CBX6: variants seen among roughly 807,000 people sequenced by gnomAD.
CBX6 encodes the protein chromobox 6, also known as chromobox protein homolog 6.
CBX6 carries 7 observed loss-of-function variants against 28.4 expected under a neutral mutation model. The ratio of observed to expected loss-of-function variants is 0.25; its 90% confidence interval spans 0.14 to 0.46. The LOEUF is 0.46. Among genes scored for constraint, CBX6 ranks in the 20% least tolerant of loss-of-function variants. The probability of loss-of-function intolerance (pLI) is 0.99; values close to 1 mark genes in which losing one functional copy is unlikely to be tolerated. For synonymous variants in CBX6, 297 were observed against 273.4 expected, an observed-to-expected ratio of 1.09 and a Z score of -0.85; for missense variants, 512 against 606.1, an observed-to-expected ratio of 0.84 and a Z score of 1.63.
Position 38,871,944 on chromosome 22 carries a change from C to T in CBX6, c.71G>A (p.Gly24Glu). The change falls in exon 2 of 5, where the codon GGA becomes GAA. Residue 24 changes from glycine (G) to glutamate (E), a missense_variant and splice_region_variant. Coordinates refer to ENST00000407418, the MANE Select transcript of CBX6 (RefSeq NM_014292.5). This position sits in a 1 kb window ranked among gnomAD's most constrained non-coding sequence, Gnocchi z 5.6. ...CCATTTCACCAGGTACTCGATGCGT[C>T]CCTGAAAAACAGAGGGGAGAAAAAC... ...ESIIKRRIRK[G>E]RIEYLVKWKG... 6.5e-7 allele frequency: 1 copy of T among 1,536,982 alleles called. No homozygotes were observed. Among genetic ancestry groups the T allele is most frequent in the Non-Finnish European group, 8.8e-7 (1 of 1,141,384 alleles).
At position 38,862,257 on chromosome 22, in the gene CBX6, T is replaced by C. The variant is rs1225898171; in HGVS notation, c.*3952A>G. 1 of 152,200 alleles carries C rather than the reference T, an allele frequency of 6.6e-6. No individual in the cohort carries two copies. The highest frequency in any genetic ancestry group is 1.5e-5 in the Non-Finnish European group (1 of 68,032). The allele number at this position is 152,200 out of a possible 1,614,324, so 9.4% of individuals were successfully genotyped here. A position where few individuals can be genotyped will look rare whatever the true frequency, so the allele number is the denominator to read the frequency against. ...CTTTGGCCCCCACTAACCATCTCCC[T>C]ATTTCTGCATCCTGGTGACCGTCAG... On this transcript the variant is annotated 3_prime_UTR_variant, in exon 5 of 5. Coordinates refer to ENST00000407418, the MANE Select transcript of CBX6 (RefSeq NM_014292.5).
Position 38,871,597 on chromosome 22 carries a change from C to A in CBX6, c.180-51G>T, listed in dbSNP as rs565167495. The A allele has an allele frequency of 6.2e-7, 1 of 1,612,608 alleles. No homozygotes were observed. The highest frequency in any genetic ancestry group is 8.5e-7 in the Non-Finnish European group (1 of 1,179,016). On this transcript the variant is annotated intron_variant, in intron 3 of 4. Transcript: ENST00000407418. The surrounding 1 kb of genome is among the most constrained non-coding windows in gnomAD (Gnocchi z 5.6). ...AAAAAGAGCCCCTTCCCGGGCCCCACTCCGCGCTGCCCTCCCCGGCTCTCC... is the reference window on the plus strand; with the variant it reads ...AAAAAGAGCCCCTTCCCGGGCCCCAATCCGCGCTGCCCTCCCCGGCTCTCC...
At position 38,864,078 on chromosome 22, in the gene CBX6, G is replaced by A. The variant is rs1175473864; in HGVS notation, c.*2131C>T. Reference sequence around the variant, plus strand: ...CTCTCCACAGTGCCTGCGATGCCAGGGGACCTGCCAGCTGGGCCCAGGCCT... The same window carrying A: ...CTCTCCACAGTGCCTGCGATGCCAGAGGACCTGCCAGCTGGGCCCAGGCCT... On this transcript the variant is annotated 3_prime_UTR_variant, in exon 5 of 5. Coordinates refer to ENST00000407418, the MANE Select transcript of CBX6 (RefSeq NM_014292.5). 1.3e-5 allele frequency: 2 copies of A among 152,230 alleles called. No homozygotes were observed. Among genetic ancestry groups the A allele is most frequent in the African/African-American group, 2.4e-5 (1 of 41,428 alleles). 9.4% of individuals were successfully genotyped at this position (152,230 alleles called of 1,614,324 possible).
chr22:38,867,022 GC>G lies in CBX6; in HGVS notation c.425del (p.Gly142AlafsTer23), dbSNP rs1230041495. 2 of 1,605,364 alleles carry G rather than the reference GC, an allele frequency of 1.2e-6. No individual in the cohort carries two copies. The highest frequency in any genetic ancestry group is 1.7e-5 in the Admixed American group (1 of 59,524). On this transcript the variant is annotated frameshift_variant, in exon 5 of 5. Coordinates refer to ENST00000407418, the MANE Select transcript of CBX6 (RefSeq NM_014292.5). LOFTEE classifies it high-confidence loss of function. ...RPLPRPDPQG[G>X]SPGLRPPISP... is the part of the protein sequence containing the mutation. Reference sequence around the variant, plus strand: ...AAATGGGCGGGCGCAGTCCGGGGCTGCCCCCCTGCGGGTCCGGGCGGGGCAG... The same window carrying G: ...AAATGGGCGGGCGCAGTCCGGGGCTGCCCCCTGCGGGTCCGGGCGGGGCAG...
Position 38,862,518 on chromosome 22 carries a change from CAAAAAAAAAAA to C in CBX6, c.*3680_*3690del, listed in dbSNP as rs3042739. On this transcript the variant is annotated 3_prime_UTR_variant, in exon 5 of 5. Coordinates refer to ENST00000407418, the MANE Select transcript of CBX6 (RefSeq NM_014292.5). ...TCCACTGTCCTGTGTGGGCGAAGTG[CAAAAAAAAAAA>C]AAAAAAAAAAAAAAAAGAAAGAAAG... 3.6e-5 allele frequency: 1 copy of C among 27,418 alleles called. No individual in the cohort carries two copies. The highest frequency in any genetic ancestry group is 6.1e-5 in the Non-Finnish European group (1 of 16,464). 1.7% of individuals were successfully genotyped at this position (27,418 alleles called of 1,614,324 possible).
rs1191097983 is a variant in CBX6, at chr22:38,871,638, C to T, written c.179+54G>A. Reference sequence around the variant, plus strand: ...CCGGCTCTCCCGCTTCCCCGCGCGGCGCCCCAGCCGAGCCTCGGCCTCGCA... The same window carrying T: ...CCGGCTCTCCCGCTTCCCCGCGCGGTGCCCCAGCCGAGCCTCGGCCTCGCA... On this transcript the variant is annotated intron_variant, in intron 3 of 4. Transcript: ENST00000407418. This position sits in a 1 kb window ranked among gnomAD's most constrained non-coding sequence, Gnocchi z 5.6. 3 of 1,610,688 alleles carry T rather than the reference C, an allele frequency of 1.9e-6. No individual in the cohort carries two copies. The highest frequency in any genetic ancestry group is 2.5e-6 in the Non-Finnish European group (3 of 1,178,088).
chr22:38,865,886 A>G lies in CBX6; in HGVS notation c.*323T>C. 3.0e-6 allele frequency: 1 copy of G among 337,522 alleles called. No individual in the cohort carries two copies. The highest frequency in any genetic ancestry group is 6.1e-5 in the South Asian group (1 of 16,338). 20.9% of individuals were successfully genotyped at this position (337,522 alleles called of 1,614,324 possible). On this transcript the variant is annotated 3_prime_UTR_variant, in exon 5 of 5. Transcript: ENST00000407418. ...AGCACCGAGAAATCAGACGCCGCACAGGAGAGCAGGAAGCAAGCTAGAGAG... is the reference window on the plus strand; with the variant it reads ...AGCACCGAGAAATCAGACGCCGCACGGGAGAGCAGGAAGCAAGCTAGAGAG...
At position 38,866,884 on chromosome 22, in the gene CBX6, C is replaced by G; in HGVS notation, c.564G>C (p.Gly188=). ...LKVIDKGAGG[G]GAGQGAGALA... is the part of the protein sequence containing the mutation. ...GCGCCCCGGCCCCCTGCCCGGCGCC[C>G]CCGCCGCCAGCGCCCTTGTCGATCA... is the stretch of plus-strand genomic sequence containing the variant. Residue 188 remains glycine, a synonymous_variant, in exon 5 of 5, where the codon GGG becomes GGC. Coordinates refer to ENST00000407418, the MANE Select transcript of CBX6 (RefSeq NM_014292.5). This position sits in a 1 kb window ranked among gnomAD's most constrained non-coding sequence, Gnocchi z 7.5. The G allele has an allele frequency of 6.3e-7, 1 of 1,597,496 alleles. No homozygotes were observed. The highest frequency in any genetic ancestry group is 8.5e-7 in the Non-Finnish European group (1 of 1,173,554).
Position 38,866,700 on chromosome 22 carries a change from C to G in CBX6, c.748G>C (p.Ala250Pro). Residue 250 changes from alanine to proline, a missense_variant, in exon 5 of 5, where the codon GCT (alanine) becomes CCT (proline). Around this residue, in one of 7 missense-constraint regions of CBX6, gnomAD observed 290 missense variants for 274.1 expected, o/e 1.06. Coordinates refer to ENST00000407418, the MANE Select transcript of CBX6 (RefSeq NM_014292.5). This position sits in a 1 kb window ranked among gnomAD's most constrained non-coding sequence, Gnocchi z 7.5. ...CCAGGGCCCGGGGCTGAGGCCTCAG[C>G]CTTGCCGGGGGACGGGGCTACCAGG... ...APLVAPSPGK[A>P]EASAPGPGLL... 1 of 1,566,818 alleles carries G rather than the reference C, an allele frequency of 6.4e-7. No homozygotes were observed. The highest frequency in any genetic ancestry group is 8.6e-7 in the Non-Finnish European group (1 of 1,157,998).
chr22:38,867,862 A>T (rs1267642501), intron 4 of CBX6, among the ~76,000 whole-genome samples: 3 of 152,218 alleles, frequency 2.0e-5, no homozygotes, highest in Admixed American at 6.5e-5. Context: ...AACTGGTACC[A>T]ATGCATCCCA....
At chr22:38,868,105 C>T (rs1050328453) in intron 4 of CBX6, among the ~76,000 whole-genome samples, 19 of 152,326 alleles carry the variant, frequency 1.2e-4, no homozygotes, top group South Asian at 4.1e-4. Flanking sequence ...CCCCAGGTTC[C>T]GGTCCAACCC....
chr22:38,866,070 C>T lies in CBX6; in HGVS notation c.*139G>A. Reference sequence around the variant, plus strand: ...TTTCTGGGACCCCAACTACCCAGCCCCATCCCTGGGTCAACACCGAGCCAT... The same window carrying T: ...TTTCTGGGACCCCAACTACCCAGCCTCATCCCTGGGTCAACACCGAGCCAT... On this transcript the variant is annotated 3_prime_UTR_variant, in exon 5 of 5. Transcript: ENST00000407418. This position sits in a 1 kb window ranked among gnomAD's most constrained non-coding sequence, Gnocchi z 7.5. The T allele has an allele frequency of 1.4e-6, 1 of 724,652 alleles. No individual in the cohort carries two copies. Among genetic ancestry groups the T allele is most frequent in the East Asian group, 2.7e-5 (1 of 36,932 alleles). 44.9% of individuals were successfully genotyped at this position (724,652 alleles called of 1,614,324 possible).
Position 38,867,170 on chromosome 22 carries a change from C to G in CBX6, c.278G>C (p.Ser93Thr). The G allele has an allele frequency of 7.6e-7, 1 of 1,308,836 alleles. No individual in the cohort carries two copies. Among genetic ancestry groups the G allele is most frequent in the Non-Finnish European group, 1.0e-6 (1 of 1,000,434 alleles). 81.1% of individuals were successfully genotyped at this position (1,308,836 alleles called of 1,614,324 possible). The change falls in exon 5 of 5, where the codon AGT becomes ACT. Residue 93 changes from serine (S) to threonine (T), a missense_variant. Coordinates refer to ENST00000407418, the MANE Select transcript of CBX6 (RefSeq NM_014292.5). Reference sequence around the variant, plus strand: ...CGGCTTGACAGAGAAATGCACATCACTGATGCGGAGGGCCTCGGCCTGGGC... The same window carrying G: ...CGGCTTGACAGAGAAATGCACATCAGTGATGCGGAGGGCCTCGGCCTGGGC... ...ARAQAEALRI[S>T]DVHFSVKPSA... is the part of the protein sequence containing the mutation.
In CBX6 at chr22:38,867,126, G is replaced by C; in HGVS notation, c.322C>G (p.Pro108Ala). Residue 108 changes from proline to alanine, a missense_variant, in exon 5 of 5, where the codon CCC becomes GCC. Pro to Ala is a conservative substitution (Grantham distance 27). Transcript: ENST00000407418. ...SVKPSASASS[P>A]KLHSSAAVHR... Reference sequence around the variant, plus strand: ...ACGGCTGCGCTGGAGTGCAGCTTGGGCGAGGAGGCACTGGCGCTCGGCTTG... The same window carrying C: ...ACGGCTGCGCTGGAGTGCAGCTTGGCCGAGGAGGCACTGGCGCTCGGCTTG... The C allele has an allele frequency of 6.3e-7, 1 of 1,583,996 alleles. No homozygotes were observed. The highest frequency in any genetic ancestry group is 8.6e-7 in the Non-Finnish European group (1 of 1,168,026).
In CBX6 at chr22:38,866,063, C is replaced by T. The variant is rs568816118; in HGVS notation, c.*146G>A. The T allele has an allele frequency of 1.4e-6, 1 of 703,584 alleles. No individual in the cohort carries two copies. Among genetic ancestry groups the T allele is most frequent in the Admixed American group, 2.9e-5 (1 of 34,474 alleles). 43.6% of individuals were successfully genotyped at this position (703,584 alleles called of 1,614,324 possible). A position where few individuals can be genotyped will look rare whatever the true frequency, so the allele number is the denominator to read the frequency against. The stretch of plus-strand genomic sequence containing the variant: ...CCCCGGCTTTCTGGGACCCCAACTA[C>T]CCAGCCCCATCCCTGGGTCAACACC... On this transcript the variant is annotated 3_prime_UTR_variant, in exon 5 of 5. Coordinates refer to ENST00000407418, the MANE Select transcript of CBX6 (RefSeq NM_014292.5). The surrounding 1 kb of genome is among the most constrained non-coding windows in gnomAD (Gnocchi z 7.5).
In CBX6 at chr22:38,862,133, C is replaced by T. The variant is rs572363640; in HGVS notation, c.*4076G>A. ...TAGTCTCTCTTTGCCTGGCTGACTACCTGCATACAGTAGGCACTCACTGCT... is the reference window on the plus strand; with the variant it reads ...TAGTCTCTCTTTGCCTGGCTGACTATCTGCATACAGTAGGCACTCACTGCT... On this transcript the variant is annotated 3_prime_UTR_variant, in exon 5 of 5. Transcript: ENST00000407418. 6.6e-6 allele frequency: 1 copy of T among 152,268 alleles called. No homozygotes were observed. The highest frequency in any genetic ancestry group is 1.5e-5 in the Non-Finnish European group (1 of 68,068). 9.4% of individuals were successfully genotyped at this position (152,268 alleles called of 1,614,324 possible). A position where few individuals can be genotyped will look rare whatever the true frequency, so the allele number is the denominator to read the frequency against.
chr22:38,867,836 T>C (rs1262084180), intron 4 of CBX6, among the ~76,000 whole-genome samples: 2 of 152,260 alleles, frequency 1.3e-5, no homozygotes, highest in South Asian at 2.1e-4. Flanking sequence ...GTCTGCCCAG[T>C]GCCTGGCTCA....
chr22:38,871,577 G>C lies in CBX6; in HGVS notation c.180-31C>G. 6.2e-7 allele frequency: 1 copy of C among 1,613,406 alleles called. No homozygotes were observed. The highest frequency in any genetic ancestry group is 8.5e-7 in the Non-Finnish European group (1 of 1,179,624). The stretch of plus-strand genomic sequence containing the variant: ...GCCGAAAAACACCAGAGGTTAAAAA[G>C]AGCCCCTTCCCGGGCCCCACTCCGC... On this transcript the variant is annotated intron_variant, in intron 3 of 4. Transcript: ENST00000407418. The surrounding 1 kb of genome is among the most constrained non-coding windows in gnomAD (Gnocchi z 5.6).
Position 38,862,222 on chromosome 22 carries a change from G to A in CBX6, c.*3987C>T, listed in dbSNP as rs1318649286. ...GGAGGAGGGAACCACGAAGGCCTGG[G>A]AGGGGGCATCTTTGGCCCCCACTAA... On this transcript the variant is annotated 3_prime_UTR_variant, in exon 5 of 5. Transcript: ENST00000407418. 1.3e-5 allele frequency: 2 copies of A among 152,222 alleles called. No homozygotes were observed. Among genetic ancestry groups the A allele is most frequent in the Admixed American group, 6.5e-5 (1 of 15,272 alleles). The allele number at this position is 152,222 out of a possible 1,614,324, so 9.4% of individuals were successfully genotyped here. A position where few individuals can be genotyped will look rare whatever the true frequency, so the allele number is the denominator to read the frequency against.
Sources: gnomAD v4.1 joint callset for allele counts (sites outside exome capture counted in the v4.1 genomes callset) on GRCh38, gnomAD v4.1.1 for gene constraint, gnomAD v4.1.1 regional missense constraint, Gnocchi (gnomAD v3.1) non-coding constraint, MANE v1.5 for transcripts, NCBI Gene and HGNC (gene_info 2026-07-23, HGNC 2026-07-21) for gene names.